Variants in LMO7 observed in about 807,000 individuals in gnomAD.
LMO7 encodes the protein LIM domain only protein 7.
LMO7 carries 120 observed loss-of-function variants against 206.5 expected under a neutral mutation model. That is an observed-to-expected ratio of 0.58 (90% CI 0.50 to 0.68). The LOEUF is 0.68. LMO7 is among the 30% of genes least tolerant of loss of function. The probability of loss-of-function intolerance (pLI) is 0.00; values close to 1 mark genes in which losing one functional copy is unlikely to be tolerated. For missense variants in LMO7, 1,959 were observed against 1,957.9 expected, an observed-to-expected ratio of 1.00 and a Z score of -0.01; for synonymous variants, 706 against 681.5, an observed-to-expected ratio of 1.04 and a Z score of -0.56.
At chr13:75,771,392 T>G (rs1321340289) in intron 4 of LMO7, among the ~76,000 whole-genome samples, 1 of 152,082 alleles carries the variant, frequency 6.6e-6, no homozygotes, top group Non-Finnish European at 1.5e-5. Context: ...CATGCAGATA[T>G]TTATGAATGT....
Position 75,691,927 on chromosome 13 carries a change from C to A in LMO7, c.70-21255C>A, listed in dbSNP as rs192807190. Among the ~76,000 whole-genome samples, 683 of 152,222 alleles carry A rather than the reference C, an allele frequency of 4.5e-3. 3 individuals carry two copies. The highest frequency in any genetic ancestry group is 6.7e-3 in the Non-Finnish European group (453 of 68,018). On this transcript the variant is annotated intron_variant, in intron 1 of 30. Transcript: ENST00000377534. ...GAGGGCCTGCTGAGTTCTCTAACTT[C>A]CCAATTCCATGACCTCCATTTCTAC...
rs924265020 is a variant in LMO7 at position 75,777,164 on chromosome 13, CT to C, written c.317+16134del. 3.0e-3 allele frequency among the ~76,000 whole-genome samples: 459 copies of C among 152,090 alleles called. 1 individual carries two copies. Among genetic ancestry groups the C allele is most frequent in the Middle Eastern group, 0.01 (3 of 294 alleles). ...CTTGAATGAGGACACTGTTTTATTTCTTTTTTTTCTTCCTCCCCCAGTGTTC... is the reference window on the plus strand; with the variant it reads ...CTTGAATGAGGACACTGTTTTATTTCTTTTTTTCTTCCTCCCCCAGTGTTC... On this transcript the variant is annotated intron_variant, in intron 4 of 30. Coordinates refer to ENST00000377534, the MANE Select transcript of LMO7 (RefSeq NM_001306080.2).
At position 75,760,707 on chromosome 13, in the gene LMO7, G is replaced by A. The variant is rs530909169; in HGVS notation, c.211-225G>A. ...CAGTCACAAAGATCACAGAAACAGTGTATGCCCGGGCATAAGATAGCACGA... is the reference window on the plus strand; with the variant it reads ...CAGTCACAAAGATCACAGAAACAGTATATGCCCGGGCATAAGATAGCACGA... On this transcript the variant is annotated intron_variant, in intron 3 of 30. Coordinates refer to ENST00000377534, the MANE Select transcript of LMO7 (RefSeq NM_001306080.2). 2.4e-5 allele frequency: 37 copies of A among 1,532,322 alleles called. No individual in the cohort carries two copies. In the African/African-American group the frequency reaches 4.2e-4, roughly 18 times the overall value. The allele number at this position is 1,532,322 out of a possible 1,614,324, so 94.9% of individuals were successfully genotyped here.
At chr13:75,790,983 C>CTTTT (rs33998419) in intron 4 of LMO7, among the ~76,000 whole-genome samples, 1 of 145,898 alleles carries the variant, frequency 6.9e-6, no homozygotes, top group Non-Finnish European at 1.5e-5. Context: ...ATATCTACCC[C>CTTTT]TTTTTTTTTT....
In LMO7 at chr13:75,636,395, C is replaced by T. The variant is rs2035854088; in HGVS notation, c.-263C>T. ...ACCCGCTTCGCTTCCCGCGTCCTGC[C>T]TGACTGCCCGGGTCCCCGCGGGCCT... is the stretch of plus-strand genomic sequence containing the variant. On this transcript the variant is annotated 5_prime_UTR_variant, in exon 1 of 31. Transcript: ENST00000377534. 1 of 1,310,748 alleles carries T rather than the reference C, an allele frequency of 7.6e-7. No homozygotes were observed. The highest frequency in any genetic ancestry group is 9.7e-7 in the Non-Finnish European group (1 of 1,029,496). The allele number at this position is 1,310,748 out of a possible 1,614,324, so 81.2% of individuals were successfully genotyped here.
intron 2 of LMO7, among the ~76,000 whole-genome samples, chr13:75,625,427 A>ATG (rs59334649): frequency 1.0e-3 from 105 of 103,672 alleles, no homozygotes; most frequent in African/African-American, 3.9e-3. Context: ...GTGTGTGTGC[A>ATG]TGTGTGTGTG....
At chr13:75,806,448 G>C (rs1378603298) in intron 9 of LMO7, 1 of 154,294 alleles carries the variant, frequency 6.5e-6, no homozygotes, top group Non-Finnish European at 1.4e-5. Context: ...CAGCTTGGAA[G>C]TCTGTAGGAT....
chr13:75,714,632 C>T (rs763505624), intron 2 of LMO7, among the ~76,000 whole-genome samples: 7 of 152,214 alleles, frequency 4.6e-5, no homozygotes, highest in Middle Eastern at 3.4e-3. Flanking sequence ...TGTTTCTTGT[C>T]GTCTTCCAAT....
At chr13:75,646,455 G>C (rs2037016443) in intron 1 of LMO7, among the ~76,000 whole-genome samples, 1 of 152,100 alleles carries the variant, frequency 6.6e-6, no homozygotes, top group African/African-American at 2.4e-5. Flanking sequence ...AATTTTTAAG[G>C]CAGTCTCTAG....
chr13:75,777,641 T>C (rs905329661), intron 4 of LMO7, among the ~76,000 whole-genome samples: 10 of 127,028 alleles, frequency 7.9e-5, no homozygotes, highest in Non-Finnish European at 1.6e-4. Flanking sequence ...CTGATTTTCT[T>C]TTCTTGTTTT....
In LMO7 at chr13:75,823,569, A is replaced by G. The variant is rs1161023924; in HGVS notation, c.2645A>G (p.Asp882Gly). 6.3e-7 allele frequency: 1 copy of G among 1,597,048 alleles called. No individual in the cohort carries two copies. The highest frequency in any genetic ancestry group is 1.1e-5 in the South Asian group (1 of 90,354). Residue 882 changes from aspartate to glycine, a missense_variant, in exon 15 of 31, where the codon GAT becomes GGT. Physicochemically the swap from Asp to Gly is moderately conservative, Grantham distance 94. Transcript: ENST00000377534. Reference sequence around the variant, plus strand: ...AAATGATGTTTTCTTATTTAGATGGATGATGCTTGGAAGTATAATGGAGAT... The same window carrying G: ...AAATGATGTTTTCTTATTTAGATGGGTGATGCTTGGAAGTATAATGGAGAT... ...ISSLPRSYTMDDAWKYNGDVE... is the reference protein window; with the variant it reads ...ISSLPRSYTMGDAWKYNGDVE...
chr13:75,844,519 C>G (rs955653714), intron 25 of LMO7, among the ~76,000 whole-genome samples: 1 of 151,814 alleles, frequency 6.6e-6, no homozygotes, highest in Non-Finnish European at 1.5e-5. Flanking sequence ...AAGTGATTCT[C>G]CCACTTCAGT....
intron 3 of LMO7, among the ~76,000 whole-genome samples, chr13:75,739,064 C>G (rs1396945345): frequency 6.6e-6 from 1 of 152,204 alleles, no homozygotes; most frequent in African/African-American, 2.4e-5. Flanking sequence ...TTAAAAATAT[C>G]TCTTGAAATT....
At chr13:75,805,137 T>C (rs1595143789) in intron 8 of LMO7, 1 of 1,099,922 alleles carries the variant, frequency 9.1e-7, no homozygotes, top group Non-Finnish European at 1.1e-6. Context: ...CATGGGGCTA[T>C]ATGGACTGAC....
At chr13:75,802,061 C>G (rs191452833) in intron 7 of LMO7, among the ~76,000 whole-genome samples, 1 of 152,002 alleles carries the variant, frequency 6.6e-6, no homozygotes, top group African/African-American at 2.4e-5. Context: ...GTCCTAAATA[C>G]TTCAGTATGA....
chr13:75,739,775 T>G (rs1388577428), intron 3 of LMO7, among the ~76,000 whole-genome samples: 1 of 152,180 alleles, frequency 6.6e-6, no homozygotes, highest in East Asian at 1.9e-4. Flanking sequence ...ATTTAAATAT[T>G]TCTACCCAAG....
chr13:75,737,777 T>TGAAAAA (rs1555305719), intron 3 of LMO7, among the ~76,000 whole-genome samples: 6 of 22,708 alleles, frequency 2.6e-4, no homozygotes, highest in South Asian at 2.5e-3. Context: ...TAAAATAAAA[T>TGAAAAA]AAAATAAAAA....
chr13:75,805,584 C>T lies in LMO7; in HGVS notation c.1020C>T (p.Ser340=). The T allele has an allele frequency of 6.2e-7, 1 of 1,614,060 alleles. No homozygotes were observed. The highest frequency in any genetic ancestry group is 8.5e-7 in the Non-Finnish European group (1 of 1,179,882). Reference sequence around the variant, plus strand: ...AAGAGGAAAAAGCAAAGACAAGAAGCATACCCAACATTGTAAAGGATGATC... The same window carrying T: ...AAGAGGAAAAAGCAAAGACAAGAAGTATACCCAACATTGTAAAGGATGATC... ...YLEEEKAKTR[S]IPNIVKDDLY... Residue 340 remains serine (S), a synonymous_variant, in exon 9 of 31, where the codon AGC becomes AGT. Transcript: ENST00000377534.
intron 4 of LMO7, among the ~76,000 whole-genome samples, chr13:75,787,189 C>T (rs1046057032): frequency 5.3e-5 from 8 of 152,184 alleles, no homozygotes; most frequent in African/African-American, 1.9e-4. Flanking sequence ...TCAGTAGTCA[C>T]CTTAATATGC....
Sources: allele counts gnomAD v4.1 joint callset (sites outside exome capture counted in the v4.1 genomes callset), GRCh38; gene constraint gnomAD v4.1.1; transcripts MANE v1.5; gene names NCBI Gene and HGNC (gene_info 2026-07-23, HGNC 2026-07-21).